The following HNRNPC variants were observed in gnomAD, a reference collection of about 807,000 sequenced individuals.
HNRNPC encodes the protein heterogeneous nuclear ribonucleoprotein C.
HNRNPC carries 3 observed loss-of-function variants against 33.2 expected under a neutral mutation model. That is an observed-to-expected ratio of 0.09 (90% CI 0.04 to 0.23). HNRNPC has a LOEUF of 0.23. Ranked by LOEUF, HNRNPC falls within the 10% of genes least tolerant of loss-of-function variation. HNRNPC has a pLI of 1.00. For synonymous variants in HNRNPC, 121 were observed against 126.7 expected (o/e 0.96, Z 0.30); for missense variants, 143 against 366.7 (o/e 0.39, Z 4.98).
rs1274066730 is a variant in HNRNPC, at chr14:21,211,460, A to C, written c.744T>G (p.Ala248=). 1 of 1,598,744 alleles carries C rather than the reference A, an allele frequency of 6.3e-7. No homozygotes were observed. ...MESEGGADDS[A]EEGDLLDDDD... is the part of the protein sequence containing the mutation. ...CATCATCCAGTAGGTCCCCCTCCTCAGCAGAGTCATCTGCACCCCCCTCAG... is the reference window on the plus strand; with the variant it reads ...CATCATCCAGTAGGTCCCCCTCCTCCGCAGAGTCATCTGCACCCCCCTCAG... Residue 248 remains alanine (A), a synonymous_variant, in exon 8 of 9, where the codon GCT becomes GCG. Coordinates refer to ENST00000553300, the MANE Select transcript of HNRNPC (RefSeq NM_004500.4).
At chr14:21,256,476 A>T (rs1877231371) in intron 2 of HNRNPC, among the ~76,000 whole-genome samples, 1 of 152,014 alleles carries the variant, frequency 6.6e-6, no homozygotes, top group African/African-American at 2.4e-5. Flanking sequence ...TCCTTCAAAC[A>T]ATACATTTTA....
chr14:21,262,110 T>C (rs1373093674), intron 2 of HNRNPC, among the ~76,000 whole-genome samples: 1 of 152,078 alleles, frequency 6.6e-6, no homozygotes, highest in Admixed American at 6.5e-5. Flanking sequence ...AAAGCCTACC[T>C]TTTTTCAAAT....
intron 1 of HNRNPC, chr14:21,264,147 T>C (rs977717534): frequency 1.3e-5 from 2 of 152,006 alleles, no homozygotes; most frequent in African/African-American, 4.8e-5. Context: ...GGCCAACAAA[T>C]AGAGATGAAA....
At chr14:21,257,170 T>C (rs555576316) in intron 2 of HNRNPC, among the ~76,000 whole-genome samples, 9 of 152,248 alleles carry the variant, frequency 5.9e-5, no homozygotes, top group African/African-American at 1.9e-4. Flanking sequence ...GTAAACTGAA[T>C]TGGTATGACA....
At chr14:21,261,281 AAAT>A (rs958729437) in intron 2 of HNRNPC, among the ~76,000 whole-genome samples, 20 of 152,216 alleles carry the variant, frequency 1.3e-4, no homozygotes, top group African/African-American at 3.4e-4. Flanking sequence ...TGTCCCATAA[AAAT>A]AATAAATTTG....
At chr14:21,221,380 A>C (rs2139540725) in intron 5 of HNRNPC, among the ~76,000 whole-genome samples, 1 of 152,332 alleles carries the variant, frequency 6.6e-6, no homozygotes, top group African/African-American at 2.4e-5. Context: ...CCAATTCTAT[A>C]GTCACTAGTC....
intron 5 of HNRNPC, among the ~76,000 whole-genome samples, chr14:21,223,776 AAT>A (rs1893114973): frequency 6.6e-6 from 1 of 152,100 alleles, no homozygotes; most frequent in Admixed American, 6.5e-5. Context: ...AAAAAAGACT[AAT>A]AACTGATTTG....
chr14:21,221,726 TAATAATCTGAATACATGTG>T (rs1427898970), intron 5 of HNRNPC, among the ~76,000 whole-genome samples: 1 of 151,952 alleles, frequency 6.6e-6, no homozygotes, highest in Non-Finnish European at 1.5e-5. Flanking sequence ...CAAAAATGGG[TAATAATCTGAATACATGTG>T]TGGAAGAGTA....
intron 3 of HNRNPC, among the ~76,000 whole-genome samples, chr14:21,232,901 G>A (rs1305177475): frequency 6.6e-6 from 1 of 152,112 alleles, no homozygotes; most frequent in East Asian, 1.9e-4. Flanking sequence ...GCCAGGTGTG[G>A]TGGCACATGC....
At chr14:21,260,144 G>T (rs1877959792) in intron 2 of HNRNPC, among the ~76,000 whole-genome samples, 1 of 143,188 alleles carries the variant, frequency 7.0e-6, no homozygotes, top group Admixed American at 7.2e-5. Flanking sequence ...AGCTTGCAGT[G>T]AGCCGAGATC....
intron 2 of HNRNPC, among the ~76,000 whole-genome samples, chr14:21,238,579 A>G (rs1025011865): frequency 6.6e-6 from 1 of 152,226 alleles, no homozygotes; most frequent in African/African-American, 2.4e-5. Flanking sequence ...CATTTGGTAG[A>G]AATTTTAAAA....
intron 5 of HNRNPC, among the ~76,000 whole-genome samples, chr14:21,218,339 T>C (rs1484337493): frequency 2.6e-5 from 4 of 152,178 alleles, no homozygotes; most frequent in Non-Finnish European, 5.9e-5. Context: ...TGTTGATCTT[T>C]ACCAAAGATA....
At chr14:21,248,045 C>A (rs1212235538) in intron 2 of HNRNPC, among the ~76,000 whole-genome samples, 2 of 151,600 alleles carry the variant, frequency 1.3e-5, no homozygotes, top group African/African-American at 4.8e-5. Context: ...TCCACTATGA[C>A]CGAACCTTAA....
intron 2 of HNRNPC, among the ~76,000 whole-genome samples, chr14:21,257,820 C>T (rs137993899): frequency 3.2e-4 from 49 of 152,268 alleles, no homozygotes; most frequent in African/African-American, 1.1e-3. Flanking sequence ...TTCAGCCTCC[C>T]AAAGTGCTGG....
chr14:21,211,186 A>G lies in HNRNPC; in HGVS notation c.*37T>C. On this transcript the variant is annotated 3_prime_UTR_variant, in exon 9 of 9. Coordinates refer to ENST00000553300, the MANE Select transcript of HNRNPC (RefSeq NM_004500.4). ...ATCTTAGACAAGCGCCTAGGTAAAG[A>G]AATAATGGGATAAGATTTCTAAACC... 1 of 1,602,954 alleles carries G rather than the reference A, an allele frequency of 6.2e-7. No individual in the cohort carries two copies. The highest frequency in any genetic ancestry group is 1.3e-5 in the African/African-American group (1 of 74,730).
chr14:21,226,170 A>G (rs187623222), intron 5 of HNRNPC, among the ~76,000 whole-genome samples: 3 of 151,650 alleles, frequency 2.0e-5, no homozygotes, highest in Admixed American at 2.0e-4. Context: ...AAAATACAAA[A>G]AATCAGCTGG....
rs796269934 is a variant in HNRNPC at position 21,217,758 on chromosome 14, C to T, written c.366-4641G>A. On this transcript the variant is annotated intron_variant, in intron 5 of 8. Transcript: ENST00000553300. ...AGCCATTTGATTGAAAATGGCTCCA[C>T]GAAGAAAAAATACATTAAATGTACA... Among the ~76,000 whole-genome samples the T allele has an allele frequency of 4.0e-5, 6 of 151,866 alleles. 1 individual carries two copies. Among genetic ancestry groups the T allele is most frequent in the African/African-American group, 1.4e-4 (6 of 41,388 alleles).
At chr14:21,225,316 C>T (rs367783920) in intron 5 of HNRNPC, among the ~76,000 whole-genome samples, 3 of 151,710 alleles carry the variant, frequency 2.0e-5, no homozygotes, top group Non-Finnish European at 4.4e-5. Context: ...GTAACCCCAG[C>T]TAATTGGGAG....
At chr14:21,220,384 C>A (rs561941830) in intron 5 of HNRNPC, among the ~76,000 whole-genome samples, 2 of 152,030 alleles carry the variant, frequency 1.3e-5, no homozygotes, top group Non-Finnish European at 2.9e-5. Flanking sequence ...CCCACCACCA[C>A]GCCCAGCTAA....
Sources: gnomAD v4.1 joint callset for allele counts (sites outside exome capture counted in the v4.1 genomes callset) on GRCh38, gnomAD v4.1.1 for gene constraint, MANE v1.5 for transcripts, NCBI Gene and HGNC (gene_info 2026-07-23, HGNC 2026-07-21) for gene names.